ARHGEF10: variants seen among roughly 807,000 people sequenced by gnomAD.
ARHGEF10 encodes the protein Rho guanine nucleotide exchange factor 10, also known as Rho guanine nucleotide exchange factor (GEF) 10.
A neutral mutation model predicts 147.4 loss-of-function variants in ARHGEF10; 140 were observed. That is an observed-to-expected ratio of 0.95 (90% CI 0.83 to 1.09). The LOEUF (loss-of-function observed/expected upper bound fraction) is 1.09. Among genes scored for constraint, ARHGEF10 ranks in the 50% least tolerant of loss-of-function variants. The probability of loss-of-function intolerance (pLI) is 0.00; values close to 1 mark genes in which losing one functional copy is unlikely to be tolerated. For missense variants in ARHGEF10, 2,222 were observed against 1,752.7 expected, an observed-to-expected ratio of 1.27 and a Z score of -4.78; for synonymous variants, 902 against 695.8, an observed-to-expected ratio of 1.30 and a Z score of -4.67.
chr8:1,845,185 C>T (rs1230158425), intron 2 of ARHGEF10, among the ~76,000 whole-genome samples: 2 of 152,188 alleles, frequency 1.3e-5, no homozygotes, highest in Non-Finnish European at 2.9e-5. Flanking sequence ...TCTTTTACTG[C>T]TTTTCATTCC....
intron 1 of ARHGEF10, among the ~76,000 whole-genome samples, chr8:1,836,033 T>C (rs4875804): frequency 0.15 from 22,320 of 151,614 alleles, 1,877 homozygotes; most frequent in Middle Eastern, 0.27. Flanking sequence ...TACAAAAAAT[T>C]AGCCAGGCGT....
intron 14 of ARHGEF10, among the ~76,000 whole-genome samples, chr8:1,897,787 G>T (rs996325543): frequency 1.3e-5 from 2 of 152,194 alleles, no homozygotes; most frequent in African/African-American, 4.8e-5. Flanking sequence ...GGCCGTGACC[G>T]CAGTGCCCAC....
chr8:1,846,328 A>G lies in ARHGEF10; in HGVS notation c.37+2892A>G, dbSNP rs528035337. 2.6e-4 allele frequency among the ~76,000 whole-genome samples: 40 copies of G among 152,330 alleles called. No homozygotes were observed. The East Asian group carries it at 5.4e-3, about 21-fold the overall frequency. Reference sequence around the variant, plus strand: ...TTCTAGCCAATAACTTTTACGACAAATAGAAATAGGGATAATGGCCTGGTG... The same window carrying G: ...TTCTAGCCAATAACTTTTACGACAAGTAGAAATAGGGATAATGGCCTGGTG... On this transcript the variant is annotated intron_variant, in intron 2 of 28. Transcript: ENST00000349830.
rs368688902 is a variant in ARHGEF10, at chr8:1,875,188, C to T, written c.680-1383C>T. Among the ~76,000 whole-genome samples, 183 of 109,608 alleles carry T rather than the reference C, an allele frequency of 1.7e-3. 1 individual carries two copies. The highest frequency in any genetic ancestry group is 6.3e-3 in the African/African-American group (173 of 27,518). The allele number at this position is 109,608 out of a possible 152,430, so 71.9% of individuals were successfully genotyped here. A position where few individuals can be genotyped will look rare whatever the true frequency, so the allele number is the denominator to read the frequency against. On this transcript the variant is annotated intron_variant, in intron 7 of 28. Transcript: ENST00000349830. ...TCTGGTGGGAGAGTGCAGACACACACGGGGCTGTGTCGGGGATAGAGGTTC... is the reference window on the plus strand; with the variant it reads ...TCTGGTGGGAGAGTGCAGACACACATGGGGCTGTGTCGGGGATAGAGGTTC...
intron 23 of ARHGEF10, among the ~76,000 whole-genome samples, chr8:1,927,824 C>A (rs1210931459): frequency 6.6e-6 from 1 of 152,056 alleles, no homozygotes. Flanking sequence ...GCCTATAGTC[C>A]CAGTTTCTCA....
chr8:1,841,033 G>C (rs10105264), intron 1 of ARHGEF10, among the ~76,000 whole-genome samples: 64,604 of 151,888 alleles, frequency 0.43, 14,049 homozygotes, highest in East Asian at 0.5. Flanking sequence ...TCTCCCGGCC[G>C]GTGGGTGGAA....
intron 7 of ARHGEF10, among the ~76,000 whole-genome samples, chr8:1,871,641 A>G (rs1807136041): frequency 6.6e-6 from 1 of 152,168 alleles, no homozygotes; most frequent in Admixed American, 6.5e-5. Context: ...AAGATGGTGA[A>G]ACCCCATCTC....
At chr8:1,921,436 C>T (rs1047291671) in intron 18 of ARHGEF10, among the ~76,000 whole-genome samples, 18 of 152,132 alleles carry the variant, frequency 1.2e-4, no homozygotes, top group African/African-American at 4.1e-4. Flanking sequence ...TTAAGAATTT[C>T]AGGATGTCCA....
At chr8:1,849,830 A>T (rs1308078025) in intron 2 of ARHGEF10, among the ~76,000 whole-genome samples, 1 of 82,262 alleles carries the variant, frequency 1.2e-5, no homozygotes, top group East Asian at 4.5e-4. Flanking sequence ...GCAAATGCTG[A>T]GGAGGGCTTG....
At chr8:1,852,684 A>G (rs919594793) in intron 2 of ARHGEF10, among the ~76,000 whole-genome samples, 4 of 152,214 alleles carry the variant, frequency 2.6e-5, no homozygotes, top group African/African-American at 9.6e-5. Flanking sequence ...TTGGAAACGT[A>G]ATGTTTCTTA....
At chr8:1,870,646 G>T (rs970151684) in intron 7 of ARHGEF10, 19 of 152,104 alleles carry the variant, frequency 1.2e-4, no homozygotes, top group African/African-American at 2.4e-5. Context: ...CATAAGCAAG[G>T]AATAATTCAT....
At chr8:1,823,534 A>G (rs1802529062), upstream of ARHGEF10, among the ~76,000 whole-genome samples, 1 of 150,874 alleles carries the variant, frequency 6.6e-6, no homozygotes, top group South Asian at 2.1e-4. Flanking sequence ...GCTCTGGGAG[A>G]GGGTTAGGGT....
At chr8:1,857,118 T>C (rs903738023) in intron 2 of ARHGEF10, among the ~76,000 whole-genome samples, 7 of 152,244 alleles carry the variant, frequency 4.6e-5, no homozygotes, top group Non-Finnish European at 1.0e-4. Flanking sequence ...TTATTAACCA[T>C]GCTCTTTAAT....
chr8:1,871,165 T>C (rs539703599), intron 7 of ARHGEF10: 1 of 145,126 alleles, frequency 6.9e-6, no homozygotes, highest in East Asian at 2.1e-4. Context: ...AGAACAGCAA[T>C]GTAGTATGAT....
At chr8:1,885,820 C>A (rs1042803967) in intron 11 of ARHGEF10, 113 bp downstream of exon 11, 3 of 854,666 alleles carry the variant, frequency 3.5e-6, no homozygotes, top group Non-Finnish European at 5.8e-6. Context: ...ACTCTGCATC[C>A]ACTCGGGCCC....
chr8:1,833,324 A>AAG (rs1563150180), intron 1 of ARHGEF10, among the ~76,000 whole-genome samples: 2 of 138,730 alleles, frequency 1.4e-5, no homozygotes, highest in Non-Finnish European at 3.1e-5. Flanking sequence ...AAGCAGAGGG[A>AAG]GACAGAGACA....
intron 8 of ARHGEF10, 46 bp downstream of exon 8, chr8:1,876,780 A>C: frequency 1.3e-6 from 2 of 1,598,638 alleles, no homozygotes; most frequent in Non-Finnish European, 1.7e-6. Context: ...TCGCGTTAAC[A>C]CGGACAGGGG....
At chr8:1,871,710 C>G (rs978798911) in intron 7 of ARHGEF10, among the ~76,000 whole-genome samples, 4 of 152,034 alleles carry the variant, frequency 2.6e-5, no homozygotes, top group Non-Finnish European at 4.4e-5. Context: ...TCCAGCTACT[C>G]GGGTGGCTGA....
chr8:1,903,701 T>C (rs767273440), intron 16 of ARHGEF10: 2 of 571,542 alleles, frequency 3.5e-6, no homozygotes, highest in Non-Finnish European at 6.2e-6. Flanking sequence ...GACCCTCAAA[T>C]GGATCCAGGA....
Sources: allele counts gnomAD v4.1 joint callset (sites outside exome capture counted in the v4.1 genomes callset), GRCh38; gene constraint gnomAD v4.1.1; transcripts MANE v1.5; gene names NCBI Gene and HGNC (gene_info 2026-07-23, HGNC 2026-07-21).